The following EPHA6 variants were observed in gnomAD, a reference collection of about 807,000 sequenced individuals.
EPHA6 encodes EPH receptor A6, also known as ephrin type-A receptor 6.
In EPHA6, 50 loss-of-function variants were observed where a neutral mutation model predicts 112.0. The observed-to-expected ratio is 0.45, with a 90% CI of 0.36 to 0.56. The LOEUF (loss-of-function observed/expected upper bound fraction) is 0.56, where lower values mean the gene tolerates loss of function less well. EPHA6 is among the 20% of genes least tolerant of loss of function. The pLI is 0.00. For missense variants in EPHA6, 1,280 were observed against 1,417.4 expected, an observed-to-expected ratio of 0.90 and a Z score of 1.56; for synonymous variants, 529 against 490.7, an observed-to-expected ratio of 1.08 and a Z score of -1.03.
chr3:97,015,178 A>T (rs907469795), intron 3 of EPHA6, among the ~76,000 whole-genome samples: 1 of 152,222 alleles, frequency 6.6e-6, no homozygotes, highest in Non-Finnish European at 1.5e-5. Flanking sequence ...TGAAAAAAGA[A>T]GTAACATTAT....
chr3:96,894,333 C>T (rs2038144936), intron 2 of EPHA6, among the ~76,000 whole-genome samples: 1 of 151,964 alleles, frequency 6.6e-6, no homozygotes, highest in Admixed American at 6.6e-5. Context: ...AAATTTTTTG[C>T]TTATTATTGA....
chr3:97,117,671 T>C (rs1171640411), intron 3 of EPHA6, among the ~76,000 whole-genome samples: 1 of 151,786 alleles, frequency 6.6e-6, no homozygotes, highest in African/African-American at 2.4e-5. Context: ...GTTTCTTTGG[T>C]CTATATGTCT....
intron 3 of EPHA6, among the ~76,000 whole-genome samples, chr3:97,054,622 A>G (rs1388521221): frequency 6.6e-6 from 1 of 152,166 alleles, no homozygotes; most frequent in African/African-American, 2.4e-5. Context: ...CACTGAAATG[A>G]GAAGAAAATC....
intron 14 of EPHA6, among the ~76,000 whole-genome samples, chr3:97,663,613 C>T (rs1195893827): frequency 1.3e-5 from 2 of 151,546 alleles, no homozygotes; most frequent in Non-Finnish European, 2.9e-5. Context: ...CAGTAGTTTG[C>T]TGAGAATGAT....
At chr3:97,446,367 T>C (rs924814460) in intron 6 of EPHA6, among the ~76,000 whole-genome samples, 1 of 152,280 alleles carries the variant, frequency 6.6e-6, no homozygotes, top group East Asian at 1.9e-4. Flanking sequence ...TAGCTACAGG[T>C]ACACTTTTGT....
chr3:97,041,201 A>G (rs2045301724), intron 3 of EPHA6, among the ~76,000 whole-genome samples: 1 of 152,128 alleles, frequency 6.6e-6, no homozygotes, highest in African/African-American at 2.4e-5. Flanking sequence ...CTTCCTGTGC[A>G]TTCTCACAGC....
intron 3 of EPHA6, among the ~76,000 whole-genome samples, chr3:97,130,528 T>A (rs1305128666): frequency 6.6e-6 from 1 of 152,186 alleles, no homozygotes; most frequent in Non-Finnish European, 1.5e-5. Context: ...ATGCTATTTT[T>A]GTCATTTTTC....
chr3:97,021,439 A>G (rs1358491595), intron 3 of EPHA6, among the ~76,000 whole-genome samples: 1 of 152,050 alleles, frequency 6.6e-6, no homozygotes, highest in Non-Finnish European at 1.5e-5. Context: ...GAACTCTCGA[A>G]ATTTCTTCCT....
At chr3:97,640,436 A>G (rs1418020001) in intron 14 of EPHA6, among the ~76,000 whole-genome samples, 2 of 152,156 alleles carry the variant, frequency 1.3e-5, no homozygotes, top group Non-Finnish European at 2.9e-5. Context: ...TGATTTATTT[A>G]AACAGGAAAT....
chr3:97,493,773 T>C (rs1344564324), intron 10 of EPHA6, among the ~76,000 whole-genome samples: 1 of 152,188 alleles, frequency 6.6e-6, no homozygotes, highest in Admixed American at 6.5e-5. Flanking sequence ...CTGCTAGGTT[T>C]GACTTACTGG....
intron 2 of EPHA6, among the ~76,000 whole-genome samples, chr3:96,985,595 AC>A (rs1297529222): frequency 9.9e-5 from 15 of 152,098 alleles, no homozygotes; most frequent in Admixed American, 5.9e-4. Flanking sequence ...TTTTTGAATC[AC>A]CCCTGGTAAA....
chr3:97,688,855 T>C (rs562998493), intron 14 of EPHA6, among the ~76,000 whole-genome samples: 5 of 152,308 alleles, frequency 3.3e-5, no homozygotes, highest in African/African-American at 1.2e-4. Context: ...ATTATTTCAT[T>C]AAAAAAGTAA....
intron 5 of EPHA6, among the ~76,000 whole-genome samples, chr3:97,256,117 C>A (rs943861679): frequency 6.6e-6 from 1 of 152,094 alleles, no homozygotes; most frequent in East Asian, 1.9e-4. Context: ...GATCCTCATT[C>A]TTCTACTGCA....
intron 3 of EPHA6, among the ~76,000 whole-genome samples, chr3:97,025,902 T>C (rs991831510): frequency 2.6e-5 from 4 of 152,112 alleles, no homozygotes; most frequent in African/African-American, 4.8e-5. Context: ...TTTAAGTCTT[T>C]ATCCATCTTG....
chr3:97,188,411 G>T (rs182241988), intron 3 of EPHA6, among the ~76,000 whole-genome samples: 1 of 151,686 alleles, frequency 6.6e-6, no homozygotes, highest in South Asian at 2.1e-4. Context: ...ATTTATTTAC[G>T]TATTTCTATA....
At position 97,001,971 on chromosome 3, in the gene EPHA6, G is replaced by A. The variant is rs1383643009; in HGVS notation, c.1114+13978G>A. On this transcript the variant is annotated intron_variant, in intron 3 of 17. Transcript: ENST00000389672. ...GTTCTGTTGGACAGAGATAACTATT[G>A]TCTTGGATAGAATTCTTTAACTAGG... is the stretch of plus-strand genomic sequence containing the variant. 2.6e-5 allele frequency among the ~76,000 whole-genome samples: 4 copies of A among 152,076 alleles called. No individual in the cohort carries two copies. The East Asian group carries it at 7.7e-4, about 29-fold the overall frequency.
intron 14 of EPHA6, among the ~76,000 whole-genome samples, chr3:97,689,220 T>C (rs377270705): frequency 6.2e-4 from 94 of 152,338 alleles, no homozygotes; most frequent in African/African-American, 2.2e-3. Flanking sequence ...AACTTCGATG[T>C]TCATATTAGA....
At chr3:97,701,439 G>C (rs2033383048) in intron 14 of EPHA6, among the ~76,000 whole-genome samples, 1 of 152,074 alleles carries the variant, frequency 6.6e-6, no homozygotes, top group South Asian at 2.1e-4. Flanking sequence ...TAATTACTAA[G>C]TTTCCTGAAT....
At chr3:97,569,180 C>A (rs1352222058) in intron 11 of EPHA6, among the ~76,000 whole-genome samples, 1 of 152,110 alleles carries the variant, frequency 6.6e-6, no homozygotes, top group African/African-American at 2.4e-5. Flanking sequence ...CTCCTAAAGG[C>A]ACTGTGTTGC....
Sources: gnomAD v4.1 joint callset for allele counts (sites outside exome capture counted in the v4.1 genomes callset) on GRCh38, gnomAD v4.1.1 for gene constraint, MANE v1.5 for transcripts, NCBI Gene and HGNC (gene_info 2026-07-23, HGNC 2026-07-21) for gene names.